The following PTPRD variants were observed in gnomAD, a reference collection of about 807,000 sequenced individuals.
The protein encoded by PTPRD is receptor-type tyrosine-protein phosphatase delta.
A neutral mutation model predicts 214.5 loss-of-function variants in PTPRD; 34 were observed. That is an observed-to-expected ratio of 0.16 (90% CI 0.12 to 0.21). The LOEUF is 0.21. PTPRD is among the 10% of genes least tolerant of loss of function. The pLI, the probability that PTPRD is intolerant of heterozygous loss-of-function variation, is 1.00. For missense variants in PTPRD, 2,545 were observed against 2,398.7 expected (o/e 1.06, Z -1.27); for synonymous variants, 1,128 against 845.7 (o/e 1.33, Z -5.79).
intron 9 of PTPRD, among the ~76,000 whole-genome samples, chr9:9,262,391 T>C (rs1190337055): frequency 1.3e-5 from 2 of 151,258 alleles, no homozygotes; most frequent in South Asian, 2.1e-4. Flanking sequence ...GTTTACATGC[T>C]TTTTTCCCCA....
At chr9:9,485,329 A>G (rs944022771) in intron 8 of PTPRD, among the ~76,000 whole-genome samples, 7 of 152,212 alleles carry the variant, frequency 4.6e-5, no homozygotes, top group African/African-American at 1.7e-4. Flanking sequence ...TTAGAGTACT[A>G]AATTTAGTAA....
intron 11 of PTPRD, among the ~76,000 whole-genome samples, chr9:8,977,502 T>C (rs923518633): frequency 1.3e-5 from 2 of 152,090 alleles, no homozygotes; most frequent in Non-Finnish European, 2.9e-5. Flanking sequence ...GTGCTGTTAT[T>C]GAAACTATCA....
intron 8 of PTPRD, among the ~76,000 whole-genome samples, chr9:9,487,205 C>T (rs62533201): frequency 0.08 from 12,053 of 151,550 alleles, 600 homozygotes; most frequent in South Asian, 0.14. Flanking sequence ...TGCTATCCCT[C>T]CCCCTTCCCC....
chr9:10,000,530 C>G (rs765678186), intron 4 of PTPRD, among the ~76,000 whole-genome samples: 6 of 152,088 alleles, frequency 3.9e-5, no homozygotes, highest in Non-Finnish European at 8.8e-5. Flanking sequence ...AAATAATTGT[C>G]GTCCAACACC....
intron 12 of PTPRD, among the ~76,000 whole-genome samples, chr9:8,641,616 T>C (rs906237296): frequency 1.1e-4 from 15 of 133,388 alleles, no homozygotes; most frequent in Non-Finnish European, 1.9e-4. Context: ...AACAGAGACA[T>C]GGCCGATATT....
chr9:9,079,337 T>A (rs770169435), intron 10 of PTPRD, among the ~76,000 whole-genome samples: 1 of 152,242 alleles, frequency 6.6e-6, no homozygotes, highest in Non-Finnish European at 1.5e-5. Flanking sequence ...TTATTTCACT[T>A]AATATCCTTC....
At chr9:9,387,821 G>A (rs1303171783) in intron 9 of PTPRD, among the ~76,000 whole-genome samples, 1 of 152,088 alleles carries the variant, frequency 6.6e-6, no homozygotes, top group Non-Finnish European at 1.5e-5. Flanking sequence ...CGACCCTATG[G>A]CAATGTCTGT....
intron 10 of PTPRD, among the ~76,000 whole-genome samples, chr9:9,130,349 G>C (rs1488178984): frequency 6.6e-6 from 1 of 152,098 alleles, no homozygotes; most frequent in South Asian, 2.1e-4. Context: ...TAAAATTAAA[G>C]AGTTTCTCCA....
intron 3 of PTPRD, among the ~76,000 whole-genome samples, chr9:10,068,689 C>T (rs1463408819): frequency 1.3e-5 from 2 of 151,696 alleles, no homozygotes; most frequent in Admixed American, 6.6e-5. Context: ...TTACTCTGTG[C>T]CTATTGCCTC....
intron 12 of PTPRD, among the ~76,000 whole-genome samples, chr9:8,659,753 AGAAG>A (rs981661211): frequency 2.6e-5 from 4 of 152,204 alleles, no homozygotes; most frequent in African/African-American, 7.2e-5. Flanking sequence ...TTGAGAATAA[AGAAG>A]GATTCCAAAT....
At position 9,490,978 on chromosome 9, in the gene PTPRD, T is replaced by C. The variant is rs1021724064; in HGVS notation, c.-237+83754A>G. ...TATAATGAACTAATATAAATATAAA[T>C]GAACATTGTCTAAAAGTTAGACAAT... On this transcript the variant is annotated intron_variant, in intron 8 of 45. Transcript: ENST00000381196. 5.3e-5 allele frequency among the ~76,000 whole-genome samples: 8 copies of C among 151,458 alleles called. 1 individual carries two copies.
At chr9:9,478,910 G>A (rs113858460) in intron 8 of PTPRD, among the ~76,000 whole-genome samples, 13 of 152,168 alleles carry the variant, frequency 8.5e-5, no homozygotes, top group African/African-American at 2.2e-4. Context: ...TTCACATACC[G>A]GGAGAAATTT....
In PTPRD at chr9:9,743,763, CACACACAA is replaced by C. The variant is rs1005622405; in HGVS notation, c.-325-9200_-325-9193del. Among the ~76,000 whole-genome samples, 25 of 147,184 alleles carry C rather than the reference CACACACAA, an allele frequency of 1.7e-4. 1 individual carries two copies. Among genetic ancestry groups the C allele is most frequent in the African/African-American group, 5.1e-4 (19 of 37,228 alleles). On this transcript the variant is annotated intron_variant, in intron 6 of 45. Transcript: ENST00000381196. ...ACACACACACACACACACACACACA[CACACACAA>C]TTTATACTGACTGTATAAATTTCCC...
chr9:10,216,475 G>T (rs914165922), intron 3 of PTPRD, among the ~76,000 whole-genome samples: 1 of 151,766 alleles, frequency 6.6e-6, no homozygotes, highest in Non-Finnish European at 1.5e-5. Flanking sequence ...ATTAACTATG[G>T]TTAACTTATA....
At chr9:9,696,846 A>G (rs2097384675) in intron 7 of PTPRD, among the ~76,000 whole-genome samples, 1 of 152,004 alleles carries the variant, frequency 6.6e-6, no homozygotes, top group South Asian at 2.1e-4. Flanking sequence ...CAATTTTGTT[A>G]CTTGCTTTCT....
At chr9:8,848,378 C>G (rs1327906219) in intron 11 of PTPRD, among the ~76,000 whole-genome samples, 2 of 140,850 alleles carry the variant, frequency 1.4e-5, no homozygotes, top group Non-Finnish European at 1.5e-5. Context: ...CTCTGTTATA[C>G]AGACTAGAAT....
chr9:9,673,835 G>T (rs2096877675), intron 7 of PTPRD, among the ~76,000 whole-genome samples: 1 of 151,552 alleles, frequency 6.6e-6, no homozygotes, highest in Admixed American at 6.6e-5. Flanking sequence ...TGGGCTGACA[G>T]CATACCAAAA....
At chr9:9,485,283 G>A (rs1384104104) in intron 8 of PTPRD, among the ~76,000 whole-genome samples, 1 of 152,134 alleles carries the variant, frequency 6.6e-6, no homozygotes, top group East Asian at 1.9e-4. Flanking sequence ...AGTAAAACAT[G>A]TCATTATATC....
intron 12 of PTPRD, among the ~76,000 whole-genome samples, chr9:8,664,913 A>G (rs577963308): frequency 6.6e-6 from 1 of 152,354 alleles, no homozygotes; most frequent in Admixed American, 6.5e-5. Context: ...ATAACAGTAC[A>G]CTGAAGACCT....
Sources: allele counts gnomAD v4.1 joint callset (sites outside exome capture counted in the v4.1 genomes callset), GRCh38; gene constraint gnomAD v4.1.1; transcripts MANE v1.5; gene names NCBI Gene and HGNC (gene_info 2026-07-23, HGNC 2026-07-21).